CDCA8: variants seen among roughly 807,000 people sequenced by gnomAD.
The protein encoded by CDCA8 is cell division cycle associated 8.
A neutral mutation model predicts 40.0 loss-of-function variants in CDCA8; 25 were observed. The observed-to-expected ratio is 0.63, with a 90% CI of 0.46 to 0.87. The LOEUF (loss-of-function observed/expected upper bound fraction) is 0.87, where lower values mean the gene tolerates loss of function less well. Among genes scored for constraint, CDCA8 ranks in the 40% least tolerant of loss-of-function variants. CDCA8 has a pLI of 0.00. For synonymous variants in CDCA8, 111 were observed against 126.5 expected (o/e 0.88, Z 0.82); for missense variants, 280 against 348.4 (o/e 0.80, Z 1.56).
intron 7 of CDCA8, among the ~76,000 whole-genome samples, chr1:37,704,273 TA>T (rs1313522810): frequency 6.6e-6 from 1 of 152,180 alleles, no homozygotes; most frequent in East Asian, 1.9e-4. Context: ...CACTCTCCTG[TA>T]CTCTTGGTAG....
At chr1:37,694,196 C>T (rs1645510471) in intron 2 of CDCA8, among the ~76,000 whole-genome samples, 1 of 152,178 alleles carries the variant, frequency 6.6e-6, no homozygotes, top group African/African-American at 2.4e-5. Context: ...CCTGTTTCTG[C>T]ACTCCCTTAT....
chr1:37,693,316 G>A (rs372748787), intron 2 of CDCA8, among the ~76,000 whole-genome samples: 190 of 152,264 alleles, frequency 1.2e-3, no homozygotes, highest in Middle Eastern at 6.8e-3. Context: ...GGCATGGATG[G>A]GCTGTATTCC....
At chr1:37,705,767 GTTCTGTTT>G (rs1480686986) in intron 8 of CDCA8, among the ~76,000 whole-genome samples, 200 bp downstream of exon 8, 1 of 143,478 alleles carries the variant, frequency 7.0e-6, no homozygotes, top group East Asian at 2.5e-4. Context: ...TCAGCTCTGG[GTTCTGTTT>G]TTCTGTTTTT....
intron 7 of CDCA8, 148 bp from the exon 8 acceptor site, chr1:37,705,293 A>ATTT: frequency 1.6e-6 from 1 of 617,588 alleles, no homozygotes. Flanking sequence ...GCTTTAAAAC[A>ATTT]TTTTTTTTTT....
chr1:37,699,602 AAAGGAAAGGAAAGG>A (rs1645549927), intron 4 of CDCA8, among the ~76,000 whole-genome samples: 1 of 143,384 alleles, frequency 7.0e-6, no homozygotes, highest in African/African-American at 2.8e-5. Context: ...AAAGGAAAGG[AAAGGAAAGGAAAGG>A]AAAGGAAAAA....
intron 5 of CDCA8, among the ~76,000 whole-genome samples, chr1:37,700,780 G>A (rs548115732): frequency 1.3e-5 from 2 of 152,314 alleles, no homozygotes; most frequent in South Asian, 4.1e-4. Context: ...GAGAAGAAAG[G>A]GAAGAGGAAC....
intron 9 of CDCA8, among the ~76,000 whole-genome samples, chr1:37,707,691 A>C (rs914281816): frequency 6.6e-6 from 1 of 152,206 alleles, no homozygotes; most frequent in Non-Finnish European, 1.5e-5. Flanking sequence ...ACAGTGGCAC[A>C]CACCTGTAAT....
At chr1:37,704,636 C>CT (rs145718694) in intron 7 of CDCA8, among the ~76,000 whole-genome samples, 1,169 of 86,472 alleles carry the variant, frequency 0.014, 167 homozygotes, top group East Asian at 0.021. Flanking sequence ...TTAATTGCCA[C>CT]TTTTTTTTTT....
At chr1:37,705,803 T>C (rs1645595425) in intron 8 of CDCA8, among the ~76,000 whole-genome samples, 1 of 148,198 alleles carries the variant, frequency 6.7e-6, no homozygotes, top group Admixed American at 6.7e-5. Flanking sequence ...GTTTTTGTTT[T>C]TTGTGGGTTT....
intron 7 of CDCA8, 99 bp from the exon 8 acceptor site, chr1:37,705,341 TA>T: frequency 8.5e-7 from 1 of 1,173,398 alleles, no homozygotes; most frequent in Non-Finnish European, 1.2e-6. Context: ...ATGTATGACT[TA>T]AAAACTGCAA....
chr1:37,694,764 C>A (rs1004271988), intron 2 of CDCA8, among the ~76,000 whole-genome samples: 5 of 152,182 alleles, frequency 3.3e-5, no homozygotes, highest in Non-Finnish European at 7.3e-5. Context: ...CTGTTTGAAC[C>A]CAGGTATTCT....
intron 5 of CDCA8, 39 bp from the exon 6 acceptor site, chr1:37,701,715 G>T (rs999642401): frequency 3.3e-6 from 5 of 1,494,424 alleles, no homozygotes; most frequent in Non-Finnish European, 2.8e-6. Flanking sequence ...TCTTTGCTGG[G>T]TTTTTTGTAA....
chr1:37,694,260 C>T (rs1645511718), intron 2 of CDCA8, among the ~76,000 whole-genome samples: 1 of 152,228 alleles, frequency 6.6e-6, no homozygotes, highest in Non-Finnish European at 1.5e-5. Flanking sequence ...TTGCCCTTTT[C>T]TGTTTTCCTT....
chr1:37,693,669 G>C (rs1438257328), intron 2 of CDCA8, among the ~76,000 whole-genome samples: 1 of 152,104 alleles, frequency 6.6e-6, no homozygotes, highest in Non-Finnish European at 1.5e-5. Flanking sequence ...AAAGTGCTGG[G>C]ATTACAGGAG....
intron 3 of CDCA8, among the ~76,000 whole-genome samples, chr1:37,698,335 A>G (rs1406230845): frequency 1.3e-5 from 2 of 152,258 alleles, no homozygotes; most frequent in African/African-American, 2.4e-5. Flanking sequence ...TACCTCAGAC[A>G]CATGTAAGAC....
chr1:37,701,413 T>C (rs1182449057), intron 5 of CDCA8, among the ~76,000 whole-genome samples: 1 of 152,114 alleles, frequency 6.6e-6, no homozygotes, highest in African/African-American at 2.4e-5. Flanking sequence ...CACTGCAGGG[T>C]TTGCCTTTGA....
chr1:37,698,881 G>A (rs1645543886), intron 3 of CDCA8, 24 bp from the exon 4 acceptor site: 2 of 1,570,184 alleles, frequency 1.3e-6, no homozygotes, highest in Non-Finnish European at 1.8e-6. Context: ...TAAGCCTGGT[G>A]CTTTCTGGCT....
At chr1:37,694,883 T>C (rs1645515510) in intron 2 of CDCA8, among the ~76,000 whole-genome samples, 1 of 152,256 alleles carries the variant, frequency 6.6e-6, no homozygotes, top group Non-Finnish European at 1.5e-5. Context: ...AAAGACCTTT[T>C]CATTCAACAC....
chr1:37,697,298 C>T (rs1490453150), intron 3 of CDCA8, among the ~76,000 whole-genome samples: 1 of 152,184 alleles, frequency 6.6e-6, no homozygotes, highest in East Asian at 1.9e-4. Context: ...GTATACAAAG[C>T]ATTAATCAAC....
Sources: allele counts gnomAD v4.1 joint callset (sites outside exome capture counted in the v4.1 genomes callset), GRCh38; gene constraint gnomAD v4.1.1; transcripts MANE v1.5; gene names NCBI Gene and HGNC (gene_info 2026-07-23, HGNC 2026-07-21).